SEMA5A: variants seen among roughly 807,000 people sequenced by gnomAD.
SEMA5A encodes the protein semaphorin 5A.
SEMA5A carries 55 observed loss-of-function variants against 135.5 expected under a neutral mutation model. The observed-to-expected ratio is 0.41, with a 90% confidence interval of 0.33 to 0.51. The LOEUF is 0.51. Ranked by LOEUF, SEMA5A falls within the 20% of genes least tolerant of loss-of-function variation. The pLI is 0.37. For synonymous variants in SEMA5A, 580 were observed against 546.5 expected, an observed-to-expected ratio of 1.06 and a Z score of -0.85; for missense variants, 1,290 against 1,419.9, an observed-to-expected ratio of 0.91 and a Z score of 1.47.
chr5:9,483,769 T>C (rs1171619859), intron 1 of SEMA5A, among the ~76,000 whole-genome samples: 1 of 152,172 alleles, frequency 6.6e-6, no homozygotes, highest in Non-Finnish European at 1.5e-5. Flanking sequence ...ATGTAAACAT[T>C]GAAACAGCTT....
intron 18 of SEMA5A, among the ~76,000 whole-genome samples, chr5:9,062,036 C>G (rs1019801207): frequency 7.2e-5 from 11 of 152,116 alleles, no homozygotes; most frequent in African/African-American, 2.7e-4. Context: ...ACTCCAAAGG[C>G]CCCAGATATT....
At chr5:9,276,552 G>A (rs1460697886) in intron 5 of SEMA5A, among the ~76,000 whole-genome samples, 1 of 152,112 alleles carries the variant, frequency 6.6e-6, no homozygotes, top group South Asian at 2.1e-4. Context: ...GGAGTTACCT[G>A]AATTCAAACT....
chr5:9,387,925 C>CT (rs138737251), intron 2 of SEMA5A, among the ~76,000 whole-genome samples: 13,507 of 152,118 alleles, frequency 0.089, 671 homozygotes, highest in African/African-American at 0.1. Context: ...GAAACAAGAT[C>CT]TTTTTTATAT....
chr5:9,190,494 T>A (rs1364262280), intron 10 of SEMA5A, 23 bp from the exon 11 acceptor site: 1 of 1,609,336 alleles, frequency 6.2e-7, no homozygotes, highest in African/African-American at 1.3e-5. Context: ...ACGGGCCAGG[T>A]TACCAGAGCC....
chr5:9,272,815 A>G (rs1750052730), intron 5 of SEMA5A, among the ~76,000 whole-genome samples: 1 of 152,232 alleles, frequency 6.6e-6, no homozygotes, highest in African/African-American at 2.4e-5. Flanking sequence ...AATGGTATCA[A>G]CATCAACCAA....
intron 1 of SEMA5A, among the ~76,000 whole-genome samples, chr5:9,521,438 G>T (rs75714850): frequency 6.6e-6 from 1 of 152,038 alleles, no homozygotes; most frequent in East Asian, 1.9e-4. Context: ...AAAATAAAAT[G>T]AAATGTCTTT....
At chr5:9,376,220 G>T (rs925900975) in intron 3 of SEMA5A, among the ~76,000 whole-genome samples, 1 of 151,994 alleles carries the variant, frequency 6.6e-6, no homozygotes, top group African/African-American at 2.4e-5. Flanking sequence ...AGGCACCTCC[G>T]AATCCCCACT....
chr5:9,458,165 C>G (rs1758917522), intron 1 of SEMA5A, among the ~76,000 whole-genome samples: 2 of 151,944 alleles, frequency 1.3e-5, no homozygotes, highest in African/African-American at 4.8e-5. Context: ...CCTCGGCCTC[C>G]CAAAGTGCTG....
chr5:9,222,311 G>A (rs894211109), intron 8 of SEMA5A, among the ~76,000 whole-genome samples: 11 of 152,138 alleles, frequency 7.2e-5, no homozygotes, highest in African/African-American at 4.8e-5. Context: ...GGTCAACTAG[G>A]AGTGGAAATA....
intron 4 of SEMA5A, among the ~76,000 whole-genome samples, chr5:9,323,942 C>T (rs1752752895): frequency 6.6e-6 from 1 of 152,000 alleles, no homozygotes; most frequent in Admixed American, 6.6e-5. Flanking sequence ...AGCCACCACG[C>T]CTGGCCTAAA....
chr5:9,515,778 T>C (rs541557580), intron 1 of SEMA5A, among the ~76,000 whole-genome samples: 3 of 152,124 alleles, frequency 2.0e-5, no homozygotes, highest in Non-Finnish European at 4.4e-5. Flanking sequence ...CAGTGTAAAA[T>C]CTGAAATTCA....
Position 9,276,077 on chromosome 5 carries a change from A to C in SEMA5A, c.271-38187T>G, listed in dbSNP as rs1045805794. Reference sequence around the variant, plus strand: ...TTAGAAAATCCCATCATCTCAGCCCAAAATCTCCTTAAGCTGATAAGCAAC... The same window carrying C: ...TTAGAAAATCCCATCATCTCAGCCCCAAATCTCCTTAAGCTGATAAGCAAC... On this transcript the variant is annotated intron_variant, in intron 5 of 22. Transcript: ENST00000382496. 2.0e-5 allele frequency among the ~76,000 whole-genome samples: 3 copies of C among 152,242 alleles called. No individual in the cohort carries two copies. In the East Asian group the frequency reaches 5.8e-4, roughly 29 times the overall value.
chr5:9,055,807 C>G (rs767240177), intron 18 of SEMA5A, among the ~76,000 whole-genome samples: 1 of 151,298 alleles, frequency 6.6e-6, no homozygotes, highest in Non-Finnish European at 1.5e-5. Flanking sequence ...AGGAATTGAT[C>G]AAGTATTTGA....
intron 1 of SEMA5A, among the ~76,000 whole-genome samples, chr5:9,509,626 C>T (rs1025457698): frequency 6.6e-6 from 1 of 152,016 alleles, no homozygotes; most frequent in Non-Finnish European, 1.5e-5. Flanking sequence ...CCTCAGAGCC[C>T]CTGCAATACC....
intron 13 of SEMA5A, among the ~76,000 whole-genome samples, chr5:9,135,800 G>A (rs1456972296): frequency 6.6e-6 from 1 of 152,042 alleles, no homozygotes; most frequent in Admixed American, 6.6e-5. Flanking sequence ...TCAATGAAAT[G>A]TTCTAAAGGC....
At chr5:9,338,310 C>G (rs1753487762) in intron 3 of SEMA5A, among the ~76,000 whole-genome samples, 1 of 152,110 alleles carries the variant, frequency 6.6e-6, no homozygotes, top group Non-Finnish European at 1.5e-5. Flanking sequence ...TATTTTGGCC[C>G]CATGATTAGA....
At chr5:9,177,543 C>T (rs557914644) in intron 11 of SEMA5A, among the ~76,000 whole-genome samples, 23 of 152,278 alleles carry the variant, frequency 1.5e-4, no homozygotes, top group African/African-American at 5.3e-4. Context: ...GAAGTCAGTG[C>T]CTTGACTTGG....
In SEMA5A at chr5:9,122,680, C is replaced by G. The variant is rs752477752; in HGVS notation, c.1757G>C (p.Gly586Ala). 1 of 1,606,028 alleles carries G rather than the reference C, an allele frequency of 6.2e-7. No individual in the cohort carries two copies. Among genetic ancestry groups the G allele is most frequent in the South Asian group, 1.1e-5 (1 of 90,162 alleles). Residue 586 changes from glycine (G) to alanine (A), a missense_variant, in exon 14 of 23, where the codon GGC becomes GCC. By Grantham distance (60) the Gly-to-Ala change is moderately conservative. Coordinates refer to ENST00000382496, the MANE Select transcript of SEMA5A (RefSeq NM_003966.3). ...QCGGWQCEGP[G>A]MEIANCSRNG... ...CCTGGAACAGTTGGCGATCTCCATGCCAGGGCCCTCGCACTGCCAGCCACC... is the reference window on the plus strand; with the variant it reads ...CCTGGAACAGTTGGCGATCTCCATGGCAGGGCCCTCGCACTGCCAGCCACC...
intron 5 of SEMA5A, among the ~76,000 whole-genome samples, chr5:9,299,566 G>C (rs914143066): frequency 6.6e-6 from 1 of 152,098 alleles, no homozygotes; most frequent in Non-Finnish European, 1.5e-5. Context: ...GGAAGACTTG[G>C]CAGAAAATCT....
Sources: allele counts gnomAD v4.1 joint callset (sites outside exome capture counted in the v4.1 genomes callset), GRCh38; gene constraint gnomAD v4.1.1; transcripts MANE v1.5; gene names NCBI Gene and HGNC (gene_info 2026-07-23, HGNC 2026-07-21).